The following IDH2 variants were observed in gnomAD, a reference collection of about 807,000 sequenced individuals.
The protein encoded by IDH2 is isocitrate dehydrogenase (NADP(+)) 2, also known as isocitrate dehydrogenase [NADP], mitochondrial.
In IDH2, 18 loss-of-function variants were observed where a neutral mutation model predicts 50.5. That is an observed-to-expected ratio of 0.36 (90% CI 0.25 to 0.53). IDH2 has a LOEUF of 0.53. Among genes scored for constraint, IDH2 ranks in the 20% least tolerant of loss-of-function variants. The probability of loss-of-function intolerance (pLI) is 0.92; values close to 1 mark genes in which losing one functional copy is unlikely to be tolerated. For missense variants in IDH2, 518 were observed against 610.7 expected (o/e 0.85, Z 1.60); for synonymous variants, 280 against 239.8 (o/e 1.17, Z -1.55).
Position 90,084,440 on chromosome 15 carries a change from T to A in IDH2, c.1272-87A>T, listed in dbSNP as rs1196262565. On this transcript the variant is annotated intron_variant, in intron 10 of 10. Coordinates refer to ENST00000330062, the MANE Select transcript of IDH2 (RefSeq NM_002168.4). This position sits in a 1 kb window ranked among gnomAD's most constrained non-coding sequence, Gnocchi z 5.0. ...GGCCCTTCCAGGGAACAGCCTGAGC[T>A]TGGGCATCAGAACAGCCATCTCCTG... 2 of 1,244,696 alleles carry A rather than the reference T, an allele frequency of 1.6e-6. No homozygotes were observed. Among genetic ancestry groups the A allele is most frequent in the Non-Finnish European group, 2.3e-6 (2 of 868,096 alleles). 77.1% of individuals were successfully genotyped at this position (1,244,696 alleles called of 1,614,324 possible). A position where few individuals can be genotyped will look rare whatever the true frequency, so the allele number is the denominator to read the frequency against.
chr15:90,087,171 C>A lies in IDH2; in HGVS notation c.908G>T (p.Gly303Val), dbSNP rs2151548046. 6.2e-7 allele frequency: 1 copy of A among 1,614,150 alleles called. No homozygotes were observed. The highest frequency in any genetic ancestry group is 1.3e-5 in the African/African-American group (1 of 75,044). The change falls in exon 7 of 11, where the codon GGC becomes GTC. Residue 303 changes from glycine (G) to valine (V), a missense_variant. This residue lies in a region of IDH2 where 23 missense variants were observed against 57.9 expected (regional missense o/e 0.40). Transcript: ENST00000330062. ...MVAQVLKSSGGFVWACKNYDG... is the reference protein window; with the variant it reads ...MVAQVLKSSGVFVWACKNYDG... ...ATAGTTCTTGCAGGCCCACACAAAG[C>A]CACCCGAAGACTTGAGGACCTGAGC...
At chr15:90,093,609 AATTT>A (rs71151552) in intron 1 of IDH2, among the ~76,000 whole-genome samples, 6 of 150,332 alleles carry the variant, frequency 4.0e-5, no homozygotes, top group Admixed American at 1.3e-4. Context: ...TTAATTAATT[AATTT>A]ATTTATTTAT....
At position 90,102,302 on chromosome 15, in the gene IDH2, G is replaced by GT. The variant is rs1229082366; in HGVS notation, c.88dup (p.Thr30AsnfsTer27). 1 of 1,350,260 alleles carries GT rather than the reference G, an allele frequency of 7.4e-7. No homozygotes were observed. The highest frequency in any genetic ancestry group is 1.5e-5 in the African/African-American group (1 of 66,382). The allele number at this position is 1,350,260 out of a possible 1,614,324, so 83.6% of individuals were successfully genotyped here. ...GTGGCGCCGCGGCTGCTCTTGCGAGGTGGGGGCTGTCAGGGCCGCCGGCGC... is the reference window on the plus strand; with the variant it reads ...GTGGCGCCGCGGCTGCTCTTGCGAGGTTGGGGGCTGTCAGGGCCGCCGGCGC... On this transcript the variant is annotated frameshift_variant, in exon 1 of 11. Transcript: ENST00000330062. LOFTEE classifies it high-confidence loss of function.
rs550218870 is a variant in IDH2, at chr15:90,089,486, A to G, written c.374-739T>C. ...CTCCACATGCTCCGGTCCTGGCCCC[A>G]ACGCCACCCCAGTTCCTAAGGCTGT... On this transcript the variant is annotated intron_variant, in intron 3 of 10. Coordinates refer to ENST00000330062, the MANE Select transcript of IDH2 (RefSeq NM_002168.4). Among the ~76,000 whole-genome samples, 675 of 152,196 alleles carry G rather than the reference A, an allele frequency of 4.4e-3. 8 individuals carry two copies. The highest frequency in any genetic ancestry group is 6.2e-3 in the South Asian group (30 of 4,810).
rs771346231 is a variant in IDH2, at chr15:90,087,235, T to C, written c.844A>G (p.Lys282Glu). The C allele has an allele frequency of 4.0e-5, 65 of 1,614,004 alleles. No homozygotes were observed. Among genetic ancestry groups the C allele is most frequent in the Non-Finnish European group, 5.0e-5 (59 of 1,180,032 alleles). Reference protein sequence around the residue: ...KHYKTDFDKNKIWYEHRLIDD... With the variant: ...KHYKTDFDKNEIWYEHRLIDD... ...ATGAGCCGGTGCTCATACCAGATCTTATTCTTGTCGAAGTCGGTCTTATAG... is the reference window on the plus strand; with the variant it reads ...ATGAGCCGGTGCTCATACCAGATCTCATTCTTGTCGAAGTCGGTCTTATAG... Residue 282 changes from lysine (K) to glutamate (E), a missense_variant, in exon 7 of 11, where the codon AAG becomes GAG. Lys to Glu is a moderately conservative substitution (Grantham distance 56). Around this residue, in one of 5 missense-constraint regions of IDH2, gnomAD observed 207 missense variants for 208.6 expected, o/e 0.99. Coordinates refer to ENST00000330062, the MANE Select transcript of IDH2 (RefSeq NM_002168.4).
chr15:90,091,495 C>T, intron 2 of IDH2, 58 bp downstream of exon 2: 1 of 1,350,732 alleles, frequency 7.4e-7, no homozygotes, highest in Non-Finnish European at 1.1e-6. Context: ...CCCTGTGGGA[C>T]AGAACAATCC....
In IDH2 at chr15:90,084,859, C is replaced by T. The variant is rs1344799848; in HGVS notation, c.1228G>A (p.Ala410Thr). 6.2e-7 allele frequency: 1 copy of T among 1,614,104 alleles called. No homozygotes were observed. The highest frequency in any genetic ancestry group is 1.7e-5 in the Admixed American group (1 of 60,028). ...KVCVETVESG[A>T]MTKDLAGCIH... ...CAGCCCGCCAGGTCCTTGGTCATGG[C>T]TCCACTCTCCACCGTCTCCACGCAC... The change falls in exon 10 of 11, where the codon GCC becomes ACC. Residue 410 changes from alanine (A) to threonine (T), a missense_variant. By Grantham distance (58) the Ala-to-Thr change is moderately conservative (BLOSUM62 0). Coordinates refer to ENST00000330062, the MANE Select transcript of IDH2 (RefSeq NM_002168.4). This position sits in a 1 kb window ranked among gnomAD's most constrained non-coding sequence, Gnocchi z 5.0.
At chr15:90,095,338 C>T (rs1412914570) in intron 1 of IDH2, among the ~76,000 whole-genome samples, 6 of 152,140 alleles carry the variant, frequency 3.9e-5, no homozygotes, top group Non-Finnish European at 8.8e-5. Flanking sequence ...CTACAATATT[C>T]CTTCACTTTT....
At chr15:90,101,941 G>C (rs535945941) in intron 1 of IDH2, among the ~76,000 whole-genome samples, 29 of 152,138 alleles carry the variant, frequency 1.9e-4, no homozygotes, top group African/African-American at 7.0e-4. Context: ...GCGCAGGGCG[G>C]GCAGGCCACC....
chr15:90,085,060 A>T lies in IDH2; in HGVS notation c.1119T>A (p.Phe373Leu). The change falls in exon 9 of 11, where the codon TTT becomes TTA. Residue 373 changes from phenylalanine to leucine, a missense_variant. Coordinates refer to ENST00000330062, the MANE Select transcript of IDH2 (RefSeq NM_002168.4). The surrounding 1 kb of genome is among the most constrained non-coding windows in gnomAD (Gnocchi z 5.5). ...GGTGCTCCAGGCCACGTGTCCAGGCAAAGATGCTGGCGATGGGGTTGGTGC... is the reference window on the plus strand; with the variant it reads ...GGTGCTCCAGGCCACGTGTCCAGGCTAAGATGCTGGCGATGGGGTTGGTGC... ...PTSTNPIASI[F>L]AWTRGLEHRG... 6.2e-7 allele frequency: 1 copy of T among 1,614,024 alleles called. No homozygotes were observed.
At chr15:90,089,204 A>G (rs934221115) in intron 3 of IDH2, among the ~76,000 whole-genome samples, 7 of 152,084 alleles carry the variant, frequency 4.6e-5, no homozygotes, top group African/African-American at 1.7e-4. Flanking sequence ...GTGAGCCACC[A>G]TGCCCAGCAA....
rs1901244310 is a variant in IDH2, at chr15:90,098,535, T to TGTATGTATGCATGCATGC, written c.115+3740_115+3741insGCATGCATGCATACATAC. Among the ~76,000 whole-genome samples the TGTATGTATGCATGCATGC allele has an allele frequency of 7.0e-6, 1 of 142,402 alleles. No homozygotes were observed. The highest frequency in any genetic ancestry group is 1.5e-5 in the Non-Finnish European group (1 of 64,818). The allele number at this position is 142,402 out of a possible 152,430, so 93.4% of individuals were successfully genotyped here. ...GTATGTATGTATGTATGCATGCATG[T>TGTATGTATGCATGCATGC]ATGTATGTATGTATGTATGTATGTA... On this transcript the variant is annotated intron_variant, in intron 1 of 10. Transcript: ENST00000330062. The surrounding 1 kb of genome is among the most constrained non-coding windows in gnomAD (Gnocchi z 5.1).
At position 90,100,560 on chromosome 15, in the gene IDH2, C is replaced by A; in HGVS notation, c.115+1716G>T. 1.1e-6 allele frequency: 1 copy of A among 944,842 alleles called. No individual in the cohort carries two copies. The highest frequency in any genetic ancestry group is 1.3e-6 in the Non-Finnish European group (1 of 792,840). The allele number at this position is 944,842 out of a possible 1,614,324, so 58.5% of individuals were successfully genotyped here. On this transcript the variant is annotated intron_variant, in intron 1 of 10. Transcript: ENST00000330062. The surrounding 1 kb of genome is among the most constrained non-coding windows in gnomAD (Gnocchi z 4.1). The stretch of plus-strand genomic sequence containing the variant: ...GTTCACAGAACTGGTCCGCACTGCC[C>A]CAAGCTCTAACTTACCAGAAACATC...
At chr15:90,101,468 C>G (rs1328295028) in intron 1 of IDH2, among the ~76,000 whole-genome samples, 1 of 152,138 alleles carries the variant, frequency 6.6e-6, no homozygotes, top group Non-Finnish European at 1.5e-5. Context: ...CTAAGTCTTG[C>G]TTATTACGAC....
In IDH2 at chr15:90,100,520, T is replaced by G. The variant is rs1901300961; in HGVS notation, c.115+1756A>C. 1 of 504,386 alleles carries G rather than the reference T, an allele frequency of 2.0e-6. No homozygotes were observed. The highest frequency in any genetic ancestry group is 2.6e-6 in the Non-Finnish European group (1 of 390,408). The allele number at this position is 504,386 out of a possible 1,614,324, so 31.2% of individuals were successfully genotyped here. Reference sequence around the variant, plus strand: ...GAGTGAAGGAAGGCTAGATAAGTAATTCTGCCACTGAGCCGTTCACAGAAC... The same window carrying G: ...GAGTGAAGGAAGGCTAGATAAGTAAGTCTGCCACTGAGCCGTTCACAGAAC... On this transcript the variant is annotated intron_variant, in intron 1 of 10. Coordinates refer to ENST00000330062, the MANE Select transcript of IDH2 (RefSeq NM_002168.4). The surrounding 1 kb of genome is among the most constrained non-coding windows in gnomAD (Gnocchi z 4.1).
chr15:90,093,149 C>A (rs1901088172), intron 1 of IDH2, among the ~76,000 whole-genome samples: 1 of 152,218 alleles, frequency 6.6e-6, no homozygotes, highest in Admixed American at 6.5e-5. Flanking sequence ...GGGGCTCCTG[C>A]CATCCAGTTC....
chr15:90,093,614 ATTT>A (rs1901105288), intron 1 of IDH2, among the ~76,000 whole-genome samples: 6 of 150,424 alleles, frequency 4.0e-5, no homozygotes, highest in African/African-American at 5.0e-5. Context: ...TAATTAATTT[ATTT>A]ATTTATTTAT....
chr15:90,091,112 C>T (rs918623998), intron 2 of IDH2, among the ~76,000 whole-genome samples: 1 of 152,192 alleles, frequency 6.6e-6, no homozygotes, highest in Non-Finnish European at 1.5e-5. Flanking sequence ...ATACATAGAC[C>T]ACGGCAACTT....
At position 90,088,707 on chromosome 15, in the gene IDH2, A is replaced by G. The variant is rs1900945059; in HGVS notation, c.414T>C (p.Thr138=). The G allele has an allele frequency of 1.2e-6, 2 of 1,613,984 alleles. No individual in the cohort carries two copies. The highest frequency in any genetic ancestry group is 1.7e-6 in the Non-Finnish European group (2 of 1,180,044). ...CAGTCCCCCCCAGGATGTTCCGGAT[A>G]GTTCCATTGGGACTTTTCCACATCT... ...LKKMWKSPNG[T]IRNILGGTVF... is the part of the protein sequence containing the mutation. The change falls in exon 4 of 11, where the codon ACT becomes ACC. Residue 138 remains threonine (T), a synonymous_variant. Coordinates refer to ENST00000330062, the MANE Select transcript of IDH2 (RefSeq NM_002168.4).
Sources: gnomAD v4.1 joint callset for allele counts (sites outside exome capture counted in the v4.1 genomes callset) on GRCh38, gnomAD v4.1.1 for gene constraint, gnomAD v4.1.1 regional missense constraint, Gnocchi (gnomAD v3.1) non-coding constraint, MANE v1.5 for transcripts, NCBI Gene and HGNC (gene_info 2026-07-23, HGNC 2026-07-21) for gene names.